SLCO5A1: variants seen among roughly 807,000 people sequenced by gnomAD.
The protein encoded by SLCO5A1 is organic anion transporter polypeptide-related protein 4.
A neutral mutation model predicts 65.1 loss-of-function variants in SLCO5A1; 39 were observed. The ratio of observed to expected loss-of-function variants is 0.60; its 90% CI spans 0.46 to 0.78. SLCO5A1 has a LOEUF of 0.78. Among genes scored for constraint, SLCO5A1 ranks in the 30% least tolerant of loss-of-function variants. The pLI, the probability that SLCO5A1 is intolerant of heterozygous loss-of-function variation, is 0.00. For missense variants in SLCO5A1, 1,029 were observed against 1,069.4 expected, an observed-to-expected ratio of 0.96 and a Z score of 0.53; for synonymous variants, 438 against 415.7, an observed-to-expected ratio of 1.05 and a Z score of -0.65.
chr8:69,725,722 T>TCC (rs2130830778), intron 5 of SLCO5A1, among the ~76,000 whole-genome samples: 1 of 152,322 alleles, frequency 6.6e-6, no homozygotes, highest in African/African-American at 2.4e-5. Context: ...GAAGAAAGTT[T>TCC]TTATTCATTC....
chr8:69,817,150 C>A (rs573669025), intron 2 of SLCO5A1, among the ~76,000 whole-genome samples: 1 of 152,030 alleles, frequency 6.6e-6, no homozygotes, highest in Non-Finnish European at 1.5e-5. Context: ...AAGAACAACC[C>A]CCTCCCAATT....
chr8:69,820,017 G>A (rs2130919033), intron 2 of SLCO5A1, among the ~76,000 whole-genome samples: 1 of 152,336 alleles, frequency 6.6e-6, no homozygotes, highest in African/African-American at 2.4e-5. Flanking sequence ...GGGCAACCGT[G>A]TGAACATGAC....
chr8:69,811,010 T>C (rs1490672479), intron 2 of SLCO5A1, among the ~76,000 whole-genome samples: 1 of 152,186 alleles, frequency 6.6e-6, no homozygotes, highest in Non-Finnish European at 1.5e-5. Context: ...TTCCAGGGCA[T>C]TGGCTCTCTG....
chr8:69,817,886 G>C (rs2130916991), intron 2 of SLCO5A1, among the ~76,000 whole-genome samples: 1 of 152,296 alleles, frequency 6.6e-6, no homozygotes, highest in South Asian at 2.1e-4. Flanking sequence ...CCAAATGTGT[G>C]GATTTGATTG....
chr8:69,737,387 G>T (rs1320504721), intron 5 of SLCO5A1, among the ~76,000 whole-genome samples: 1 of 152,068 alleles, frequency 6.6e-6, no homozygotes. Context: ...ATATCACTAA[G>T]AAAATATCTA....
intron 2 of SLCO5A1, among the ~76,000 whole-genome samples, chr8:69,814,512 T>A (rs1820327662): frequency 6.6e-6 from 1 of 152,024 alleles, no homozygotes; most frequent in Admixed American, 6.6e-5. Flanking sequence ...TCATCAAGTT[T>A]TGATGAGGAT....
intron 4 of SLCO5A1, among the ~76,000 whole-genome samples, chr8:69,754,600 A>T (rs1047924844): frequency 6.6e-6 from 1 of 152,190 alleles, no homozygotes; most frequent in Non-Finnish European, 1.5e-5. Context: ...TGGAAACAAA[A>T]CTAAAACTAA....
intron 6 of SLCO5A1, among the ~76,000 whole-genome samples, chr8:69,703,645 C>A (rs1814845832): frequency 6.6e-6 from 1 of 152,226 alleles, no homozygotes; most frequent in Admixed American, 6.5e-5. Context: ...CTTATGGGCA[C>A]AGACACTGTA....
At chr8:69,750,303 A>G (rs1447215050) in intron 4 of SLCO5A1, among the ~76,000 whole-genome samples, 1 of 151,998 alleles carries the variant, frequency 6.6e-6, no homozygotes, top group Non-Finnish European at 1.5e-5. Context: ...TTCCTTCTCT[A>G]CTAGTCGAAA....
At chr8:69,690,486 T>C (rs1814213109) in intron 6 of SLCO5A1, among the ~76,000 whole-genome samples, 1 of 152,102 alleles carries the variant, frequency 6.6e-6, no homozygotes, top group Non-Finnish European at 1.5e-5. Context: ...AATGATATAA[T>C]TGAAGGATTT....
intron 5 of SLCO5A1, among the ~76,000 whole-genome samples, chr8:69,714,271 A>G (rs1431129511): frequency 1.3e-5 from 2 of 152,182 alleles, no homozygotes; most frequent in African/African-American, 2.4e-5. Flanking sequence ...CTCTAAAGCC[A>G]TAATATTTCA....
intron 7 of SLCO5A1, among the ~76,000 whole-genome samples, chr8:69,681,835 G>A (rs1398654280): frequency 1.3e-5 from 2 of 151,998 alleles, no homozygotes; most frequent in East Asian, 1.9e-4. Context: ...AGCACCAAAT[G>A]TGGTCATCTT....
rs1365145746 is a variant in SLCO5A1 at position 69,799,210 on chromosome 8, T to G, written c.907+32557A>C. On this transcript the variant is annotated intron_variant, in intron 2 of 9. Transcript: ENST00000260126. ...ACAAGTATTACGTTATTGGAGGTAT[T>G]TAAGAAGCTTACTTTAGAGAAAAAG... Among the ~76,000 whole-genome samples the G allele has an allele frequency of 2.0e-5, 3 of 152,196 alleles. No homozygotes were observed. In the East Asian group the frequency reaches 5.8e-4, roughly 29 times the overall value.
Position 69,672,645 on chromosome 8 carries a change from T to C in SLCO5A1, c.*224A>G. Reference sequence around the variant, plus strand: ...TTAACACAACGGAAATGGGAACAAATCTAGCTGAACGTCTCCTTCTTGGAG... The same window carrying C: ...TTAACACAACGGAAATGGGAACAAACCTAGCTGAACGTCTCCTTCTTGGAG... On this transcript the variant is annotated 3_prime_UTR_variant, in exon 10 of 10. Coordinates refer to ENST00000260126, the MANE Select transcript of SLCO5A1 (RefSeq NM_030958.3). The C allele has an allele frequency of 1.8e-6, 1 of 562,094 alleles. No individual in the cohort carries two copies. Among genetic ancestry groups the C allele is most frequent in the South Asian group, 2.5e-5 (1 of 40,522 alleles). 34.8% of individuals were successfully genotyped at this position (562,094 alleles called of 1,614,324 possible).
chr8:69,816,096 A>G (rs745370375), intron 2 of SLCO5A1, among the ~76,000 whole-genome samples: 3 of 152,206 alleles, frequency 2.0e-5, no homozygotes, highest in Admixed American at 6.5e-5. Context: ...AGATATAAGG[A>G]ACTCAAGATA....
chr8:69,769,057 T>C (rs780982817), intron 2 of SLCO5A1, among the ~76,000 whole-genome samples: 1 of 152,174 alleles, frequency 6.6e-6, no homozygotes, highest in Non-Finnish European at 1.5e-5. Flanking sequence ...CTGCTGTCTA[T>C]GTGCTGGTCG....
Position 69,668,802 on chromosome 8 carries a change from C to G in SLCO5A1, c.*4067G>C, listed in dbSNP as rs555706777. 6.6e-6 allele frequency: 1 copy of G among 152,078 alleles called. No homozygotes were observed. Among genetic ancestry groups the G allele is most frequent in the Non-Finnish European group, 1.5e-5 (1 of 68,022 alleles). 9.4% of individuals were successfully genotyped at this position (152,078 alleles called of 1,614,324 possible). A position where few individuals can be genotyped will look rare whatever the true frequency, so the allele number is the denominator to read the frequency against. ...TGAGGCCTTACTCCATGTAACTCCC[C>G]CTTCTCTGAAGGCTGACATTTCCAA... is the stretch of plus-strand genomic sequence containing the variant. On this transcript the variant is annotated 3_prime_UTR_variant, in exon 10 of 10. Transcript: ENST00000260126.
Position 69,668,183 on chromosome 8 carries a change from A to T in SLCO5A1, c.*4686T>A, listed in dbSNP as rs1813236080. 1 of 152,220 alleles carries T rather than the reference A, an allele frequency of 6.6e-6. No individual in the cohort carries two copies. Among genetic ancestry groups the T allele is most frequent in the South Asian group, 2.1e-4 (1 of 4,832 alleles). The allele number at this position is 152,220 out of a possible 1,614,324, so 9.4% of individuals were successfully genotyped here. On this transcript the variant is annotated 3_prime_UTR_variant, in exon 10 of 10. Coordinates refer to ENST00000260126, the MANE Select transcript of SLCO5A1 (RefSeq NM_030958.3). ...AAATAAAACCTCCTCAAACATACAC[A>T]GATCTGATTCTAATGCAACAAGAAG...
At chr8:69,691,742 G>T (rs1445166538) in intron 6 of SLCO5A1, among the ~76,000 whole-genome samples, 1 of 152,192 alleles carries the variant, frequency 6.6e-6, no homozygotes, top group Non-Finnish European at 1.5e-5. Flanking sequence ...TCTGAGAAAT[G>T]CATCATCAGG....
Sources: gnomAD v4.1 joint callset for allele counts (sites outside exome capture counted in the v4.1 genomes callset) on GRCh38, gnomAD v4.1.1 for gene constraint, MANE v1.5 for transcripts, NCBI Gene and HGNC (gene_info 2026-07-23, HGNC 2026-07-21) for gene names.